Variants in MRPL13 observed in about 807,000 individuals in gnomAD.
MRPL13 encodes mitochondrial ribosomal protein L13, also known as large ribosomal subunit protein uL13m.
MRPL13 carries 33 observed loss-of-function variants against 29.0 expected under a neutral mutation model. That is an observed-to-expected ratio of 1.14 (90% CI 0.86 to 1.52). The LOEUF is 1.52. Among genes scored for constraint, MRPL13 ranks in the 40% most tolerant of loss-of-function variants. The pLI, the probability that MRPL13 is intolerant of heterozygous loss-of-function variation, is 0.00. For missense variants in MRPL13, 227 were observed against 216.7 expected, an observed-to-expected ratio of 1.05 and a Z score of -0.30; for synonymous variants, 77 against 68.4, an observed-to-expected ratio of 1.13 and a Z score of -0.62.
At chr8:120,414,184 T>A (rs1380329194) in intron 5 of MRPL13, 72 bp from the exon 6 acceptor site, 42 of 1,070,536 alleles carry the variant, frequency 3.9e-5, no homozygotes, top group Non-Finnish European at 5.0e-5. Flanking sequence ...TAATACTTCA[T>A]AAGTGTTAAA....
At chr8:120,397,569 G>A (rs572191632) in intron 6 of MRPL13, among the ~76,000 whole-genome samples, 3 of 152,078 alleles carry the variant, frequency 2.0e-5, no homozygotes, top group Admixed American at 2.0e-4. Context: ...AGGAGGAGTC[G>A]CCCACAATGC....
intron 6 of MRPL13, among the ~76,000 whole-genome samples, chr8:120,411,351 A>G (rs1290138182): frequency 2.6e-5 from 4 of 152,204 alleles, no homozygotes; most frequent in African/African-American, 9.7e-5. Flanking sequence ...TATAGGCATG[A>G]GCCACCATGC....
intron 6 of MRPL13, among the ~76,000 whole-genome samples, chr8:120,402,527 A>G (rs969770203): frequency 6.6e-6 from 1 of 152,240 alleles, no homozygotes. Flanking sequence ...CTTAAATGTA[A>G]AACCCCAAAC....
intron 6 of MRPL13, among the ~76,000 whole-genome samples, chr8:120,410,498 C>G (rs915097203): frequency 2.0e-5 from 3 of 152,068 alleles, no homozygotes; most frequent in African/African-American, 7.2e-5. Context: ...AATTCTAATT[C>G]TAAAGTATAT....
intron 5 of MRPL13, chr8:120,415,540 C>T (rs1812793305): frequency 6.6e-6 from 1 of 152,036 alleles, no homozygotes; most frequent in Admixed American, 6.6e-5. Context: ...TGTTCTAAAA[C>T]CCAATATAGC....
chr8:120,444,991 T>C, intron 1 of MRPL13, 77 bp downstream of exon 1: 1 of 1,600,688 alleles, frequency 6.2e-7, no homozygotes, highest in Non-Finnish European at 8.6e-7. Context: ...CCAGCTTCAC[T>C]ACTTAATCTG....
intron 6 of MRPL13, among the ~76,000 whole-genome samples, chr8:120,407,825 T>G (rs955338283): frequency 6.6e-6 from 1 of 152,198 alleles, no homozygotes; most frequent in Non-Finnish European, 1.5e-5. Flanking sequence ...TTTTCTTCAA[T>G]AGGTTTTATG....
chr8:120,400,973 T>C (rs1485727610), intron 6 of MRPL13, among the ~76,000 whole-genome samples: 1 of 151,964 alleles, frequency 6.6e-6, no homozygotes, highest in Non-Finnish European at 1.5e-5. Context: ...AATCCCTGAA[T>C]AGACCCATAA....
intron 6 of MRPL13, among the ~76,000 whole-genome samples, chr8:120,406,859 T>A (rs1357568912): frequency 6.6e-6 from 1 of 152,224 alleles, no homozygotes; most frequent in African/African-American, 2.4e-5. Context: ...ACTATCTATT[T>A]TGCAGATACT....
At chr8:120,429,941 A>G (rs1471415065) in intron 3 of MRPL13, among the ~76,000 whole-genome samples, 3 of 152,186 alleles carry the variant, frequency 2.0e-5, no homozygotes, top group Non-Finnish European at 4.4e-5. Context: ...ACGTCTGTAC[A>G]TGTTCAGTAT....
chr8:120,418,705 T>C (rs1229332643), intron 5 of MRPL13, among the ~76,000 whole-genome samples: 1 of 152,106 alleles, frequency 6.6e-6, no homozygotes, highest in Non-Finnish European at 1.5e-5. Context: ...TTAGAAATTA[T>C]GGTTTCTAAA....
At chr8:120,443,395 A>T in intron 1 of MRPL13, 87 bp from the exon 2 acceptor site, 2 of 1,175,420 alleles carry the variant, frequency 1.7e-6, no homozygotes, top group Non-Finnish European at 2.2e-6. Context: ...ATTTATTATC[A>T]TATATCATCA....
At chr8:120,421,282 A>G (rs2130469317) in intron 4 of MRPL13, among the ~76,000 whole-genome samples, 1 of 152,030 alleles carries the variant, frequency 6.6e-6, no homozygotes, top group African/African-American at 2.4e-5. Context: ...CAACAGAGAG[A>G]AAAAGAACAT....
At chr8:120,416,643 T>G (rs1812807457) in intron 5 of MRPL13, among the ~76,000 whole-genome samples, 1 of 152,192 alleles carries the variant, frequency 6.6e-6, no homozygotes, top group African/African-American at 2.4e-5. Context: ...TAGAAAAATT[T>G]AAATTTACAC....
chr8:120,413,059 G>C (rs2130461009), intron 6 of MRPL13, among the ~76,000 whole-genome samples: 1 of 152,196 alleles, frequency 6.6e-6, no homozygotes, highest in East Asian at 1.9e-4. Context: ...TGAGTGTAGA[G>C]AGACAAATAA....
chr8:120,439,227 ATG>A (rs1813088677), intron 2 of MRPL13, among the ~76,000 whole-genome samples: 1 of 152,130 alleles, frequency 6.6e-6, no homozygotes, highest in Non-Finnish European at 1.5e-5. Flanking sequence ...TTCATTTTCT[ATG>A]TAGTGCTATG....
At chr8:120,428,424 A>G (rs1198651056) in intron 3 of MRPL13, among the ~76,000 whole-genome samples, 1 of 152,184 alleles carries the variant, frequency 6.6e-6, no homozygotes, top group Admixed American at 6.5e-5. Flanking sequence ...CATTAAGAAC[A>G]CAGGCATGGG....
chr8:120,437,345 T>G (rs1295498645), intron 2 of MRPL13, among the ~76,000 whole-genome samples: 1 of 152,188 alleles, frequency 6.6e-6, no homozygotes, highest in Non-Finnish European at 1.5e-5. Flanking sequence ...CATTAATTTT[T>G]ATAAACTGAG....
chr8:120,411,550 A>G (rs1812739632), intron 6 of MRPL13, among the ~76,000 whole-genome samples: 1 of 152,232 alleles, frequency 6.6e-6, no homozygotes, highest in South Asian at 2.1e-4. Flanking sequence ...AGAAAGAAAT[A>G]CAGAATGATT....
Sources: allele counts gnomAD v4.1 joint callset (sites outside exome capture counted in the v4.1 genomes callset), GRCh38; gene constraint gnomAD v4.1.1; transcripts MANE v1.5; gene names NCBI Gene and HGNC (gene_info 2026-07-23, HGNC 2026-07-21).